The following LRP1 variants were observed in gnomAD, a reference collection of about 807,000 sequenced individuals.
LRP1 encodes prolow-density lipoprotein receptor-related protein 1.
In LRP1, 51 loss-of-function variants were observed where a neutral mutation model predicts 541.5. That is an observed-to-expected ratio of 0.09 (90% confidence interval 0.08 to 0.12). LRP1 has a LOEUF of 0.12. Ranked by LOEUF, LRP1 falls within the 10% of genes least tolerant of loss-of-function variation. The probability of loss-of-function intolerance (pLI) is 1.00; values close to 1 mark genes in which losing one functional copy is unlikely to be tolerated. For synonymous variants in LRP1, 2,219 were observed against 2,470.8 expected (o/e 0.90, Z 3.02); for missense variants, 3,878 against 6,376.2 (o/e 0.61, Z 13.34).
Position 57,198,354 on chromosome 12 carries a change from G to C in LRP1, c.9470+11G>C. 6.2e-7 allele frequency: 1 copy of C among 1,610,406 alleles called. No individual in the cohort carries two copies. The highest frequency in any genetic ancestry group is 8.5e-7 in the Non-Finnish European group (1 of 1,177,406). On this transcript the variant is annotated intron_variant, in intron 59 of 88. Coordinates refer to ENST00000243077, the MANE Select transcript of LRP1 (RefSeq NM_002332.3). ...GGATGTGCAGAATGGGTATGTGGCT[G>C]AGGAGGGTTGGGGGAGCCCCTGAAA... is the stretch of plus-strand genomic sequence containing the variant.
At chr12:57,193,813 C>CT in intron 47 of LRP1, 86 bp from the exon 48 acceptor site, 1 of 1,590,630 alleles carries the variant, frequency 6.3e-7, no homozygotes, top group Non-Finnish European at 8.6e-7. Context: ...AGGGCAGGTG[C>CT]TGTGGGCCAG....
At position 57,208,163 on chromosome 12, in the gene LRP1, C is replaced by T. The variant is rs2036826897; in HGVS notation, c.11985C>T (p.Leu3995=). ...TGAAGGGCGAGAACCGCAAGACGCT[C>T]ATCTCGGGCATGATTGACGAGCCCC... The part of the protein sequence containing the change: ...AQMKGENRKT[L]ISGMIDEPHA... The change falls in exon 77 of 89, where the codon CTC becomes CTT. Residue 3995 remains leucine, a synonymous_variant. Coordinates refer to ENST00000243077, the MANE Select transcript of LRP1 (RefSeq NM_002332.3). 1.2e-6 allele frequency: 2 copies of T among 1,614,098 alleles called. No homozygotes were observed. Among genetic ancestry groups the T allele is most frequent in the Non-Finnish European group, 1.7e-6 (2 of 1,180,010 alleles).
At position 57,211,539 on chromosome 12, in the gene LRP1, A is replaced by C; in HGVS notation, c.13144A>C (p.Ser4382Arg). 1 of 1,614,098 alleles carries C rather than the reference A, an allele frequency of 6.2e-7. No homozygotes were observed. ...CTGTCTGACCTGCGTCGGCCACTGC[A>C]GCAATGGCGGCTCCTGTACCATGAA... is the stretch of plus-strand genomic sequence containing the variant. ...PSCLTCVGHCSNGGSCTMNSK... is the reference protein window; with the variant it reads ...PSCLTCVGHCRNGGSCTMNSK... The change falls in exon 85 of 89, where the codon AGC becomes CGC. Residue 4382 changes from serine to arginine, a missense_variant. Ser to Arg is a moderately radical substitution (Grantham distance 110). This residue lies in a region of LRP1 where 871 missense variants were observed against 1,212.4 expected (regional missense o/e 0.72). Coordinates refer to ENST00000243077, the MANE Select transcript of LRP1 (RefSeq NM_002332.3). The surrounding 1 kb of genome is among the most constrained non-coding windows in gnomAD (Gnocchi z 4.3).
rs780951611 is a variant in LRP1, at chr12:57,184,232, C to T, written c.6059+18C>T. 3 of 1,613,370 alleles carry T rather than the reference C, an allele frequency of 1.9e-6. No homozygotes were observed. The highest frequency in any genetic ancestry group is 1.7e-6 in the Non-Finnish European group (2 of 1,179,370). ...GAGAAAGGGTGAGGAGCTGGAAAGA[C>T]TGGCCTTGTCATTCTGCCCATGGCC... On this transcript the variant is annotated intron_variant, in intron 37 of 88. Coordinates refer to ENST00000243077, the MANE Select transcript of LRP1 (RefSeq NM_002332.3). The surrounding 1 kb of genome is among the most constrained non-coding windows in gnomAD (Gnocchi z 7.8).
Position 57,156,367 on chromosome 12 carries a change from C to A in LRP1, c.1417+84C>A. The A allele has an allele frequency of 7.2e-7, 1 of 1,394,264 alleles. No homozygotes were observed. The highest frequency in any genetic ancestry group is 9.8e-7 in the Non-Finnish European group (1 of 1,022,862). 86.4% of individuals were successfully genotyped at this position (1,394,264 alleles called of 1,614,324 possible). On this transcript the variant is annotated intron_variant, in intron 9 of 88. Transcript: ENST00000243077. This position sits in a 1 kb window ranked among gnomAD's most constrained non-coding sequence, Gnocchi z 5.2. ...CTTGGGATCACAGCCCCTCTCTGGGCCCTCCTGTGGGGACCCTGGCTTCTT... is the reference window on the plus strand; with the variant it reads ...CTTGGGATCACAGCCCCTCTCTGGGACCTCCTGTGGGGACCCTGGCTTCTT...
chr12:57,165,716 T>TA lies in LRP1; in HGVS notation c.2531-85dup. 1 of 1,367,170 alleles carries TA rather than the reference T, an allele frequency of 7.3e-7. No homozygotes were observed. The highest frequency in any genetic ancestry group is 1.0e-6 in the Non-Finnish European group (1 of 993,766). The allele number at this position is 1,367,170 out of a possible 1,614,324, so 84.7% of individuals were successfully genotyped here. On this transcript the variant is annotated intron_variant, in intron 15 of 88. Transcript: ENST00000243077. This position sits in a 1 kb window ranked among gnomAD's most constrained non-coding sequence, Gnocchi z 4.5. ...ATTACTTTGTATTATTAAAAAATAGTAAAACAAACAAAAATGGTGCAAAGG... is the reference window on the plus strand; with the variant it reads ...ATTACTTTGTATTATTAAAAAATAGTAAAAACAAACAAAAATGGTGCAAAGG...
Position 57,203,271 on chromosome 12 carries a change from C to T in LRP1, c.10802C>T (p.Ala3601Val), listed in dbSNP as rs150566075. ...RWKCDGDHDC[A>V]DGSDEKDCTP... ...AAATGCGATGGAGACCACGACTGCGCGGACGGCTCGGACGAGGTGGGCAGG... is the reference window on the plus strand; with the variant it reads ...AAATGCGATGGAGACCACGACTGCGTGGACGGCTCGGACGAGGTGGGCAGG... The change falls in exon 69 of 89, where the codon GCG (alanine) becomes GTG (valine). Residue 3601 changes from alanine to valine, a missense_variant. Around this residue, in one of 13 missense-constraint regions of LRP1, gnomAD observed 278 missense variants for 536.3 expected, o/e 0.52. Transcript: ENST00000243077. The T allele has an allele frequency of 3.6e-5, 58 of 1,606,242 alleles. No homozygotes were observed. In the African/African-American group the frequency reaches 4.1e-4, roughly 11 times the overall value.
chr12:57,141,255 G>C, intron 2 of LRP1, 119 bp from the exon 3 acceptor site: 1 of 1,133,590 alleles, frequency 8.8e-7, no homozygotes. Context: ...AGTCTAACTA[G>C]CCCCGAGGCC....
In LRP1 at chr12:57,197,772, A is replaced by G; in HGVS notation, c.9282+108A>G. On this transcript the variant is annotated intron_variant, in intron 58 of 88. Coordinates refer to ENST00000243077, the MANE Select transcript of LRP1 (RefSeq NM_002332.3). The surrounding 1 kb of genome is among the most constrained non-coding windows in gnomAD (Gnocchi z 4.5). ...ACCCAAATTGCTTCCTTCTCACTCC[A>G]CTAGTCACTATATGACTGCTTGTTC... 1 of 1,290,186 alleles carries G rather than the reference A, an allele frequency of 7.8e-7. No individual in the cohort carries two copies. The highest frequency in any genetic ancestry group is 1.1e-6 in the Non-Finnish European group (1 of 928,920). The allele number at this position is 1,290,186 out of a possible 1,614,324, so 79.9% of individuals were successfully genotyped here.
rs2036217652 is a variant in LRP1 at position 57,183,924 on chromosome 12, G to A, written c.5929+15G>A. On this transcript the variant is annotated intron_variant, in intron 36 of 88. Transcript: ENST00000243077. The surrounding 1 kb of genome is among the most constrained non-coding windows in gnomAD (Gnocchi z 6.1). ...CTGGATCGCAGGTGAGCAGTGGGCA[G>A]GTTTGTGGGGCTTGGGGTGTGGCAG... is the stretch of plus-strand genomic sequence containing the variant. 1 of 1,614,070 alleles carries A rather than the reference G, an allele frequency of 6.2e-7. No individual in the cohort carries two copies. The highest frequency in any genetic ancestry group is 8.5e-7 in the Non-Finnish European group (1 of 1,180,018).
Position 57,159,818 on chromosome 12 carries a change from C to A in LRP1, c.1799-7C>A. The A allele has an allele frequency of 6.2e-7, 1 of 1,613,736 alleles. No individual in the cohort carries two copies. The highest frequency in any genetic ancestry group is 1.7e-5 in the Admixed American group (1 of 60,022). On this transcript the variant is annotated splice_polypyrimidine_tract_variant and splice_region_variant and intron_variant, in intron 11 of 88. Transcript: ENST00000243077. ...CTGTTCATCACTGGTCCCTCTTCCCCCAACAGGCATCCACAATGTGGAGGG... is the reference window on the plus strand; with the variant it reads ...CTGTTCATCACTGGTCCCTCTTCCCACAACAGGCATCCACAATGTGGAGGG...
At position 57,204,404 on chromosome 12, in the gene LRP1, C is replaced by A. The variant is rs1364561232; in HGVS notation, c.10952-6C>A. On this transcript the variant is annotated splice_polypyrimidine_tract_variant and splice_region_variant and intron_variant, in intron 70 of 88. Coordinates refer to ENST00000243077, the MANE Select transcript of LRP1 (RefSeq NM_002332.3). The surrounding 1 kb of genome is among the most constrained non-coding windows in gnomAD (Gnocchi z 5.3). ...CATTCTATCTCTTGGCTCCCCCTGG[C>A]ACCAGTGCGGACCTGCCCCCTGGAC... The A allele has an allele frequency of 2.6e-6, 4 of 1,518,666 alleles. No individual in the cohort carries two copies. In the Admixed American group the frequency reaches 8.6e-5, roughly 33 times the overall value. 94.1% of individuals were successfully genotyped at this position (1,518,666 alleles called of 1,614,324 possible). A position where few individuals can be genotyped will look rare whatever the true frequency, so the allele number is the denominator to read the frequency against.
chr12:57,179,632 T>C lies in LRP1; in HGVS notation c.4966+76T>C, dbSNP rs1592636541. 6.8e-7 allele frequency: 1 copy of C among 1,462,126 alleles called. No individual in the cohort carries two copies. The highest frequency in any genetic ancestry group is 2.3e-5 in the East Asian group (1 of 44,040). The allele number at this position is 1,462,126 out of a possible 1,614,324, so 90.6% of individuals were successfully genotyped here. ...CCCCTTGCTCCCAACCCTGGTCTAC[T>C]TGGTCCGAGTGGTCCTTCTCCCAGT... On this transcript the variant is annotated intron_variant, in intron 29 of 88. Transcript: ENST00000243077. The surrounding 1 kb of genome is among the most constrained non-coding windows in gnomAD (Gnocchi z 6.8).
intron 45 of LRP1, 26 bp downstream of exon 45, chr12:57,192,996 G>T (rs754422486): frequency 6.2e-7 from 1 of 1,608,828 alleles, no homozygotes; most frequent in South Asian, 1.1e-5. Flanking sequence ...GGGAGGGGCT[G>T]GCGGGGAACC....
rs1592645246 is a variant in LRP1 at position 57,189,710 on chromosome 12, G to A, written c.7032-1095G>A. Among the ~76,000 whole-genome samples, 1 of 151,970 alleles carries A rather than the reference G, an allele frequency of 6.6e-6. No individual in the cohort carries two copies. Among genetic ancestry groups the A allele is most frequent in the South Asian group, 2.1e-4 (1 of 4,802 alleles). On this transcript the variant is annotated intron_variant, in intron 42 of 88. Transcript: ENST00000243077. The surrounding 1 kb of genome is among the most constrained non-coding windows in gnomAD (Gnocchi z 4.4). Reference sequence around the variant, plus strand: ...GGGGCAGAGGTAGGAGGAGGCCAGAGGCACTGGGGTGGGGGCGGGGGCAGG... The same window carrying A: ...GGGGCAGAGGTAGGAGGAGGCCAGAAGCACTGGGGTGGGGGCGGGGGCAGG...
At chr12:57,172,060 T>C (rs1391203066) in intron 20 of LRP1, among the ~76,000 whole-genome samples, 1 of 137,016 alleles carries the variant, frequency 7.3e-6, no homozygotes, top group African/African-American at 2.9e-5. Flanking sequence ...GTTTTCTTTT[T>C]TCTTTTTTTT....
At chr12:57,148,993 C>A in intron 6 of LRP1, 1 of 657,124 alleles carries the variant, frequency 1.5e-6, no homozygotes. Context: ...TGTGTGTTTT[C>A]GAAATCACAA....
At chr12:57,163,519 C>T (rs960076620) in intron 15 of LRP1, among the ~76,000 whole-genome samples, 1 of 151,070 alleles carries the variant, frequency 6.6e-6, no homozygotes, top group Non-Finnish European at 1.5e-5. Flanking sequence ...GCAAAGGTTG[C>T]AGTGGGCCGA....
Position 57,158,753 on chromosome 12 carries a change from G to C in LRP1, c.1798+115G>C. On this transcript the variant is annotated intron_variant, in intron 11 of 88. Coordinates refer to ENST00000243077, the MANE Select transcript of LRP1 (RefSeq NM_002332.3). This position sits in a 1 kb window ranked among gnomAD's most constrained non-coding sequence, Gnocchi z 5.3. ...CCCTGCTGACTGGCTGGCTGCACTG[G>C]TTGGCATGGAGATGAGGGGATAGAC... 3 of 953,706 alleles carry C rather than the reference G, an allele frequency of 3.1e-6. No individual in the cohort carries two copies. The highest frequency in any genetic ancestry group is 2.9e-5 in the South Asian group (2 of 68,000). The allele number at this position is 953,706 out of a possible 1,614,324, so 59.1% of individuals were successfully genotyped here. A position where few individuals can be genotyped will look rare whatever the true frequency, so the allele number is the denominator to read the frequency against.
Sources: gnomAD v4.1 joint callset for allele counts (sites outside exome capture counted in the v4.1 genomes callset) on GRCh38, gnomAD v4.1.1 for gene constraint, gnomAD v4.1.1 regional missense constraint, Gnocchi (gnomAD v3.1) non-coding constraint, MANE v1.5 for transcripts, NCBI Gene and HGNC (gene_info 2026-07-23, HGNC 2026-07-21) for gene names.